The following COL4A1 variants were observed in gnomAD, a reference collection of about 807,000 sequenced individuals.
The protein encoded by COL4A1 is collagen type IV alpha 1 chain.
COL4A1 carries 40 observed loss-of-function variants against 216.6 expected under a neutral mutation model. That is an observed-to-expected ratio of 0.18 (90% CI 0.14 to 0.24). COL4A1 has a LOEUF of 0.24. Among genes scored for constraint, COL4A1 ranks in the 10% least tolerant of loss-of-function variants. The pLI is 1.00. For missense variants in COL4A1, 1,628 were observed against 2,196.8 expected, an observed-to-expected ratio of 0.74 and a Z score of 5.18; for synonymous variants, 839 against 810.7, an observed-to-expected ratio of 1.03 and a Z score of -0.59.
chr13:110,287,635 C>T lies in COL4A1; in HGVS notation c.84+19309G>A, dbSNP rs375536497. ...CCTGCTGTGAGACCCAGAAAGAAGC[C>T]GGCACGTCCTTGAGCGCCGTACAGT... On this transcript the variant is annotated intron_variant, in intron 1 of 51. Transcript: ENST00000375820. Among the ~76,000 whole-genome samples, 18 of 152,216 alleles carry T rather than the reference C, an allele frequency of 1.2e-4. 1 individual carries two copies. In the East Asian group the frequency reaches 1.5e-3, roughly 13 times the overall value.
chr13:110,261,594 C>T (rs1393447660), intron 1 of COL4A1, among the ~76,000 whole-genome samples: 1 of 152,218 alleles, frequency 6.6e-6, no homozygotes, highest in Non-Finnish European at 1.5e-5. Context: ...CGATGGACTG[C>T]CCAGGTTCCA....
At chr13:110,261,875 C>T (rs931629721) in intron 1 of COL4A1, among the ~76,000 whole-genome samples, 5 of 152,176 alleles carry the variant, frequency 3.3e-5, no homozygotes, top group African/African-American at 9.7e-5. Context: ...GCCGGGACAC[C>T]GGCTGTCCCC....
rs1028602328 is a variant in COL4A1, at chr13:110,210,053, T to G, written c.553-11A>C. 3 of 1,613,698 alleles carry G rather than the reference T, an allele frequency of 1.9e-6. No individual in the cohort carries two copies. Among genetic ancestry groups the G allele is most frequent in the African/African-American group, 1.3e-5 (1 of 74,798 alleles). ...CAGTCCTGGTGGGCCCTAGAATGCATGAGAAAGAAATGAGTTCAGATGCGA... is the reference window on the plus strand; with the variant it reads ...CAGTCCTGGTGGGCCCTAGAATGCAGGAGAAAGAAATGAGTTCAGATGCGA... On this transcript the variant is annotated splice_polypyrimidine_tract_variant and intron_variant, in intron 9 of 51. Transcript: ENST00000375820.
chr13:110,149,927 GGGACCTAAATTT>G lies in COL4A1; in HGVS notation c.*424_*435del. On this transcript the variant is annotated 3_prime_UTR_variant, in exon 52 of 52. Transcript: ENST00000375820. ...CATTGCTATTATTTGTACAGACCAAGGGACCTAAATTTTGAAACAGCTAGACAGTGATATAAA... is the reference window on the plus strand; with the variant it reads ...CATTGCTATTATTTGTACAGACCAAGTGAAACAGCTAGACAGTGATATAAA... 3.4e-6 allele frequency: 1 copy of G among 293,382 alleles called. No individual in the cohort carries two copies. The highest frequency in any genetic ancestry group is 6.7e-6 in the Non-Finnish European group (1 of 149,762). 18.2% of individuals were successfully genotyped at this position (293,382 alleles called of 1,614,324 possible). A position where few individuals can be genotyped will look rare whatever the true frequency, so the allele number is the denominator to read the frequency against.
chr13:110,294,942 A>T (rs1884211520), intron 1 of COL4A1, among the ~76,000 whole-genome samples: 1 of 152,234 alleles, frequency 6.6e-6, no homozygotes, highest in Non-Finnish European at 1.5e-5. Flanking sequence ...AAATGCACAC[A>T]TGGTCTACTT....
At chr13:110,230,244 T>C (rs1006886732) in intron 2 of COL4A1, among the ~76,000 whole-genome samples, 1 of 148,180 alleles carries the variant, frequency 6.7e-6, no homozygotes, top group Non-Finnish European at 1.5e-5. Flanking sequence ...GTGGTATGTA[T>C]GTGTGTGTGG....
intron 22 of COL4A1, 45 bp downstream of exon 22, chr13:110,194,978 A>T: frequency 6.4e-7 from 1 of 1,555,454 alleles, no homozygotes; most frequent in Non-Finnish European, 8.9e-7. Context: ...AAAAAATCAT[A>T]CGCAAAGACA....
intron 2 of COL4A1, among the ~76,000 whole-genome samples, chr13:110,242,069 C>T (rs1330862967): frequency 6.6e-6 from 1 of 152,182 alleles, no homozygotes; most frequent in African/African-American, 2.4e-5. Context: ...GCCAGGCACC[C>T]TCTTTCCAAC....
chr13:110,219,577 T>C (rs974438929), intron 2 of COL4A1, among the ~76,000 whole-genome samples: 8 of 150,972 alleles, frequency 5.3e-5, no homozygotes, highest in Admixed American at 2.0e-4. Context: ...ACGCAAGAGC[T>C]TGAGCAGCAC....
chr13:110,198,765 G>T, intron 20 of COL4A1, 134 bp from the exon 21 acceptor site: 2 of 1,138,052 alleles, frequency 1.8e-6, no homozygotes, highest in East Asian at 2.5e-5. Flanking sequence ...CTTTAGACAT[G>T]TAAAACCAAA....
At chr13:110,231,433 C>T (rs1442308957) in intron 2 of COL4A1, among the ~76,000 whole-genome samples, 2 of 152,230 alleles carry the variant, frequency 1.3e-5, no homozygotes, top group Admixed American at 1.3e-4. Context: ...TGAGCGGCTG[C>T]CTGAGCTTTT....
intron 2 of COL4A1, among the ~76,000 whole-genome samples, chr13:110,232,310 CCTTT>C (rs1881099611): frequency 6.6e-6 from 1 of 152,220 alleles, no homozygotes; most frequent in African/African-American, 2.4e-5. Flanking sequence ...ACTAATTCTT[CCTTT>C]GTTTAATTGC....
intron 2 of COL4A1, among the ~76,000 whole-genome samples, chr13:110,235,047 C>G (rs7139637): frequency 0.14 from 20,702 of 152,148 alleles, 1,756 homozygotes; most frequent in Non-Finnish European, 0.2. Context: ...TATTTCACAC[C>G]TTATAAGTAA....
In COL4A1 at chr13:110,212,330, T is replaced by C. The variant is rs1254244249; in HGVS notation, c.387+87A>G. On this transcript the variant is annotated intron_variant, in intron 6 of 51. Coordinates refer to ENST00000375820, the MANE Select transcript of COL4A1 (RefSeq NM_001845.6). ...TTTCCAATTGTGGCAAATAAAACTC[T>C]ATTAACAGAATCACACTACCTGACT... The C allele has an allele frequency of 8.6e-6, 13 of 1,504,078 alleles. No homozygotes were observed. In the Admixed American group the frequency reaches 2.2e-4, roughly 25 times the overall value. The allele number at this position is 1,504,078 out of a possible 1,614,324, so 93.2% of individuals were successfully genotyped here.
intron 2 of COL4A1, among the ~76,000 whole-genome samples, chr13:110,222,278 A>C (rs914645677): frequency 6.6e-6 from 1 of 152,142 alleles, no homozygotes; most frequent in Non-Finnish European, 1.5e-5. Context: ...GTACTCAGAC[A>C]CTGAATGATC....
chr13:110,159,331 A>G (rs539137610), intron 49 of COL4A1, among the ~76,000 whole-genome samples: 22 of 152,328 alleles, frequency 1.4e-4, no homozygotes, highest in African/African-American at 5.3e-4. Flanking sequence ...TTTTATGTAT[A>G]AAGCACAGAT....
intron 11 of COL4A1, among the ~76,000 whole-genome samples, 198 bp from the exon 12 acceptor site, chr13:110,209,088 C>T (rs1254856260): frequency 6.6e-6 from 1 of 152,126 alleles, no homozygotes; most frequent in Non-Finnish European, 1.5e-5. Context: ...TATGACTGAT[C>T]AAAAATTCCA....
chr13:110,223,108 G>T (rs1355395124), intron 2 of COL4A1, among the ~76,000 whole-genome samples: 1 of 152,080 alleles, frequency 6.6e-6, no homozygotes, highest in African/African-American at 2.4e-5. Flanking sequence ...GAGAGTATTT[G>T]AATCTAATGA....
At chr13:110,227,157 C>A (rs1490629800) in intron 2 of COL4A1, among the ~76,000 whole-genome samples, 1 of 152,048 alleles carries the variant, frequency 6.6e-6, no homozygotes, top group Non-Finnish European at 1.5e-5. Flanking sequence ...TCATTTCCTG[C>A]CTTTTTTTCT....
Sources: allele counts gnomAD v4.1 joint callset (sites outside exome capture counted in the v4.1 genomes callset), GRCh38; gene constraint gnomAD v4.1.1; transcripts MANE v1.5; gene names NCBI Gene and HGNC (gene_info 2026-07-23, HGNC 2026-07-21).